Variants in TMEM132D observed in about 807,000 individuals in gnomAD.
The protein encoded by TMEM132D is mature OL transmembrane protein.
A neutral mutation model predicts 62.3 loss-of-function variants in TMEM132D; 21 were observed. That is an observed-to-expected ratio of 0.34 (90% CI 0.24 to 0.49). The LOEUF is 0.49. Among genes scored for constraint, TMEM132D ranks in the 20% least tolerant of loss-of-function variants. TMEM132D has a pLI of 0.99. For missense variants in TMEM132D, 1,346 were observed against 1,402.8 expected (o/e 0.96, Z 0.65); for synonymous variants, 621 against 575.6 (o/e 1.08, Z -1.13).
chr12:129,456,150 T>C (rs186159598), intron 3 of TMEM132D, among the ~76,000 whole-genome samples: 1 of 152,264 alleles, frequency 6.6e-6, no homozygotes, highest in Non-Finnish European at 1.5e-5. Flanking sequence ...GTTTTGCCAG[T>C]TGTTAATCAT....
At chr12:129,873,103 A>AGACGCTATGAAAT (rs1395106742) in intron 1 of TMEM132D, among the ~76,000 whole-genome samples, 1 of 152,176 alleles carries the variant, frequency 6.6e-6, no homozygotes, top group Non-Finnish European at 1.5e-5. Context: ...AAAGGTAGGG[A>AGACGCTATGAAAT]GACGCTATGA....
intron 3 of TMEM132D, among the ~76,000 whole-genome samples, chr12:129,479,441 G>A (rs560480510): frequency 2.0e-5 from 3 of 152,242 alleles, no homozygotes; most frequent in Admixed American, 6.5e-5. Context: ...GGCTGCACAC[G>A]GCTGGCCTTC....
intron 5 of TMEM132D, among the ~76,000 whole-genome samples, chr12:129,138,799 G>A (rs576320993): frequency 1.3e-5 from 2 of 152,268 alleles, no homozygotes; most frequent in African/African-American, 4.8e-5. Flanking sequence ...TGACAAATAG[G>A]ATTTCCTCAC....
chr12:129,679,808 CT>C (rs1348871938), intron 2 of TMEM132D, among the ~76,000 whole-genome samples: 1 of 151,726 alleles, frequency 6.6e-6, no homozygotes, highest in Non-Finnish European at 1.5e-5. Context: ...TAAGAAGTTG[CT>C]TTTTTGTTTT....
chr12:129,425,917 T>G (rs1174982703), intron 3 of TMEM132D, among the ~76,000 whole-genome samples: 1 of 152,176 alleles, frequency 6.6e-6, no homozygotes, highest in Non-Finnish European at 1.5e-5. Context: ...GAAAAGCTGT[T>G]TTATCACGAA....
chr12:129,432,044 A>G (rs1049494195), intron 3 of TMEM132D, among the ~76,000 whole-genome samples: 1 of 152,216 alleles, frequency 6.6e-6, no homozygotes, highest in African/African-American at 2.4e-5. Context: ...ACAATTCTAT[A>G]TCATCACCTT....
intron 1 of TMEM132D, among the ~76,000 whole-genome samples, chr12:129,775,302 A>G (rs1870882836): frequency 6.6e-6 from 1 of 152,156 alleles, no homozygotes; most frequent in South Asian, 2.1e-4. Context: ...GGACACCGTG[A>G]AATATCAAAC....
intron 3 of TMEM132D, among the ~76,000 whole-genome samples, chr12:129,494,505 T>C (rs1874890580): frequency 6.6e-6 from 1 of 152,218 alleles, no homozygotes; most frequent in Non-Finnish European, 1.5e-5. Context: ...CCTGCCATGT[T>C]GACAGGATAT....
intron 3 of TMEM132D, among the ~76,000 whole-genome samples, chr12:129,427,792 G>C (rs1300408716): frequency 6.6e-6 from 1 of 151,644 alleles, no homozygotes; most frequent in Non-Finnish European, 1.5e-5. Context: ...AACAAAACCA[G>C]GTCTTAGGGT....
chr12:129,411,610 C>T (rs1391499300), intron 3 of TMEM132D, among the ~76,000 whole-genome samples: 3 of 152,176 alleles, frequency 2.0e-5, no homozygotes, highest in African/African-American at 7.2e-5. Context: ...CCACCTCCGC[C>T]TCCCAAAGTA....
At chr12:129,593,846 A>T (rs58371517) in intron 2 of TMEM132D, among the ~76,000 whole-genome samples, 44 of 132,460 alleles carry the variant, frequency 3.3e-4, no homozygotes, top group African/African-American at 1.1e-3. Flanking sequence ...ATTTTTTTTA[A>T]AATGTCAAAT....
chr12:129,517,891 T>A (rs1025987326), intron 3 of TMEM132D, among the ~76,000 whole-genome samples: 3 of 152,182 alleles, frequency 2.0e-5, no homozygotes, highest in Admixed American at 6.5e-5. Context: ...TCTAATACCA[T>A]CCACTGCCTT....
At chr12:129,239,671 G>A (rs1244986795) in intron 4 of TMEM132D, among the ~76,000 whole-genome samples, 1 of 152,208 alleles carries the variant, frequency 6.6e-6, no homozygotes, top group Non-Finnish European at 1.5e-5. Flanking sequence ...AGAGATGGGA[G>A]TCATGGATCT....
chr12:129,621,146 C>G (rs1461490424), intron 2 of TMEM132D, among the ~76,000 whole-genome samples: 2 of 152,042 alleles, frequency 1.3e-5, no homozygotes, highest in African/African-American at 2.4e-5. Flanking sequence ...TCCCCCATAT[C>G]CTTCCTCATC....
chr12:129,247,101 A>G (rs1250336083), intron 4 of TMEM132D, among the ~76,000 whole-genome samples: 1 of 152,156 alleles, frequency 6.6e-6, no homozygotes, highest in East Asian at 1.9e-4. Flanking sequence ...AGCTGATTTT[A>G]TTTTCTGCAA....
chr12:129,081,947 CCCGCA>C lies in TMEM132D; in HGVS notation c.1730_1734del (p.Val577GlyfsTer8). On this transcript the variant is annotated frameshift_variant, in exon 7 of 9. Coordinates refer to ENST00000422113, the MANE Select transcript of TMEM132D (RefSeq NM_133448.3). LOFTEE classifies it high-confidence loss of function. The stretch of plus-strand genomic sequence containing the variant: ...GCCTCAGCCACAAACTGCGTCAGGA[CCCGCA>C]CCATGGCGTGCTGGTACTGCAGGGT... The C allele has an allele frequency of 6.2e-7, 1 of 1,614,056 alleles. No homozygotes were observed. Among genetic ancestry groups the C allele is most frequent in the Non-Finnish European group, 8.5e-7 (1 of 1,180,034 alleles).
intron 3 of TMEM132D, among the ~76,000 whole-genome samples, chr12:129,495,683 C>A (rs2137063327): frequency 6.6e-6 from 1 of 152,250 alleles, no homozygotes; most frequent in African/African-American, 2.4e-5. Context: ...AGATTGTGAG[C>A]AATGGGTATG....
intron 3 of TMEM132D, among the ~76,000 whole-genome samples, chr12:129,436,752 C>A (rs1410122697): frequency 6.6e-6 from 1 of 151,990 alleles, no homozygotes; most frequent in Non-Finnish European, 1.5e-5. Context: ...CAAGTGTGTG[C>A]GTTTGTGATT....
intron 1 of TMEM132D, among the ~76,000 whole-genome samples, chr12:129,753,188 T>C (rs771198104): frequency 2.6e-5 from 4 of 152,240 alleles, no homozygotes; most frequent in Non-Finnish European, 4.4e-5. Flanking sequence ...CGTCTGTTGG[T>C]GCAGCTATCC....
Sources: allele counts gnomAD v4.1 joint callset (sites outside exome capture counted in the v4.1 genomes callset), GRCh38; gene constraint gnomAD v4.1.1; transcripts MANE v1.5; gene names NCBI Gene and HGNC (gene_info 2026-07-23, HGNC 2026-07-21).